Variants in EXPH5 observed in about 807,000 individuals in gnomAD.
The protein encoded by EXPH5 is exophilin 5.
Under a neutral mutation model 41.1 loss-of-function variants are expected in EXPH5, and 42 were observed. That is an observed-to-expected ratio of 1.02 (90% CI 0.80 to 1.32). The LOEUF (loss-of-function observed/expected upper bound fraction) is 1.32. Among genes scored for constraint, EXPH5 ranks in the 40% most tolerant of loss-of-function variants. The pLI is 0.00. For synonymous variants in EXPH5, 798 were observed against 833.5 expected (o/e 0.96, Z 0.73); for missense variants, 2,298 against 2,314.5 (o/e 0.99, Z 0.15).
chr11:108,576,952 T>A (rs373496179), intron 1 of EXPH5, among the ~76,000 whole-genome samples: 2 of 152,216 alleles, frequency 1.3e-5, no homozygotes, highest in African/African-American at 4.8e-5. Flanking sequence ...CTAACTCTTT[T>A]AGCTCCCATA....
chr11:108,524,033 C>T (rs1027277184), intron 4 of EXPH5, among the ~76,000 whole-genome samples: 1 of 151,208 alleles, frequency 6.6e-6, no homozygotes, highest in African/African-American at 2.4e-5. Flanking sequence ...CCTGGCTCTG[C>T]CCATTAATAT....
chr11:108,516,417 G>A (rs1225946111), intron 5 of EXPH5, among the ~76,000 whole-genome samples: 1 of 152,054 alleles, frequency 6.6e-6, no homozygotes, highest in African/African-American at 2.4e-5. Flanking sequence ...TACTTGACAT[G>A]TTTTCCTCAA....
At position 108,509,807 on chromosome 11, in the gene EXPH5, A is replaced by G. The variant is rs567164810; in HGVS notation, c.5700T>C (p.Asn1900=). 7.4e-6 allele frequency: 12 copies of G among 1,613,470 alleles called. No homozygotes were observed. In the African/African-American group the frequency reaches 1.2e-4, roughly 16 times the overall value. ...GKEQQLAFLE[N]VKRSLTQGRL... ...TTCCTTGTGTAAGTGACCTCTTTAC[A>G]TTTTCTAAGAAAGCTAACTGTTGTT... is the stretch of plus-strand genomic sequence containing the variant. Residue 1900 remains asparagine, a synonymous_variant, in exon 6 of 6, where the codon AAT becomes AAC. Coordinates refer to ENST00000265843, the MANE Select transcript of EXPH5 (RefSeq NM_015065.3).
intron 1 of EXPH5, among the ~76,000 whole-genome samples, chr11:108,562,352 G>A (rs1179939241): frequency 6.7e-6 from 1 of 150,188 alleles, no homozygotes; most frequent in Non-Finnish European, 1.5e-5. Flanking sequence ...CAGCACTTTG[G>A]GAGGTCGAGG....
chr11:108,547,581 C>G (rs892813262), intron 1 of EXPH5, among the ~76,000 whole-genome samples: 5 of 152,154 alleles, frequency 3.3e-5, no homozygotes, highest in African/African-American at 9.7e-5. Flanking sequence ...CAGCAATGTA[C>G]AAGTCTGCCA....
chr11:108,593,618 T>C lies in EXPH5; in HGVS notation c.-82A>G. The stretch of plus-strand genomic sequence containing the variant: ...CATTTTTCAACCTGTACAAGACCAG[T>C]TTCACGAACTTGATCCCACAGCCAA... On this transcript the variant is annotated 5_prime_UTR_variant, in exon 1 of 6. Coordinates refer to ENST00000265843, the MANE Select transcript of EXPH5 (RefSeq NM_015065.3). 6.2e-7 allele frequency: 1 copy of C among 1,607,918 alleles called. No homozygotes were observed. The highest frequency in any genetic ancestry group is 2.2e-5 in the East Asian group (1 of 44,854).
chr11:108,575,585 A>C (rs2094076968), intron 1 of EXPH5, among the ~76,000 whole-genome samples: 1 of 152,260 alleles, frequency 6.6e-6, no homozygotes, highest in African/African-American at 2.4e-5. Context: ...CACAAAAGTT[A>C]TGTTGACCCT....
intron 1 of EXPH5, among the ~76,000 whole-genome samples, chr11:108,561,631 C>T: frequency 6.6e-6 from 1 of 152,178 alleles, no homozygotes; most frequent in Non-Finnish European, 1.5e-5. Flanking sequence ...AAAAGCTAAA[C>T]ATGAGCAAGA....
At chr11:108,529,888 C>T (rs947595337) in intron 3 of EXPH5, among the ~76,000 whole-genome samples, 5 of 151,636 alleles carry the variant, frequency 3.3e-5, no homozygotes, top group African/African-American at 1.2e-4. Context: ...TGACTGAGAG[C>T]TCTGTATGAA....
intron 1 of EXPH5, among the ~76,000 whole-genome samples, chr11:108,546,476 G>A (rs1329416841): frequency 6.6e-6 from 1 of 152,118 alleles, no homozygotes; most frequent in African/African-American, 2.4e-5. Context: ...CCCAGGTGAT[G>A]TGTTTTGGGG....
the EXPH5 span, among the ~76,000 whole-genome samples, chr11:108,601,073 A>G: frequency 5.9e-5 from 9 of 152,316 alleles, no homozygotes; most frequent in South Asian, 1.9e-3. Flanking sequence ...TTCCTACCGG[A>G]GTGAAATTTG....
Position 108,507,994 on chromosome 11 carries a change from C to A in EXPH5, c.*1543G>T, listed in dbSNP as rs1591653843. On this transcript the variant is annotated 3_prime_UTR_variant, in exon 6 of 6. Transcript: ENST00000265843. ...CCAACCTGGTGAAACTCCAACTCTA[C>A]TAAAAATACCAAAAAAAAAAAAAAA... 4.4e-5 allele frequency: 3 copies of A among 67,946 alleles called. No individual in the cohort carries two copies. The highest frequency in any genetic ancestry group is 1.2e-4 in the African/African-American group (2 of 17,202). 4.2% of individuals were successfully genotyped at this position (67,946 alleles called of 1,614,324 possible). A position where few individuals can be genotyped will look rare whatever the true frequency, so the allele number is the denominator to read the frequency against.
In EXPH5 at chr11:108,557,537, G is replaced by A. The variant is rs574912123; in HGVS notation, c.120-15725C>T. 1.5e-4 allele frequency among the ~76,000 whole-genome samples: 23 copies of A among 152,190 alleles called. 1 individual carries two copies. The highest frequency in any genetic ancestry group is 7.2e-4 in the Admixed American group (11 of 15,280). ...ATTATTTTGTAATTTTAGTGGATACGGGGTTTTGGCATCTTGGCCAGGCTG... is the reference window on the plus strand; with the variant it reads ...ATTATTTTGTAATTTTAGTGGATACAGGGTTTTGGCATCTTGGCCAGGCTG... On this transcript the variant is annotated intron_variant, in intron 1 of 5. Coordinates refer to ENST00000265843, the MANE Select transcript of EXPH5 (RefSeq NM_015065.3).
intron 1 of EXPH5, among the ~76,000 whole-genome samples, chr11:108,568,293 CG>C (rs1443731733): frequency 1.3e-5 from 2 of 152,038 alleles, no homozygotes; most frequent in Admixed American, 6.5e-5. Context: ...ACCAGGCACG[CG>C]GGTTCCTCTG....
chr11:108,536,245 A>G (rs1051123499), intron 3 of EXPH5, among the ~76,000 whole-genome samples: 1 of 151,542 alleles, frequency 6.6e-6, no homozygotes, highest in African/African-American at 2.4e-5. Flanking sequence ...AGAGGAGCAA[A>G]TCATATTTGA....
intron 1 of EXPH5, among the ~76,000 whole-genome samples, chr11:108,559,544 C>T (rs893219061): frequency 6.6e-6 from 1 of 152,180 alleles, no homozygotes. Context: ...TTCATGGCTT[C>T]TTTCCAAAGA....
At chr11:108,595,888 G>C (rs916549261), upstream of EXPH5, among the ~76,000 whole-genome samples, 8 of 152,078 alleles carry the variant, frequency 5.3e-5, no homozygotes, top group Non-Finnish European at 8.8e-5. Flanking sequence ...AGGTTTTGAG[G>C]GTGATAATGA....
At position 108,548,707 on chromosome 11, in the gene EXPH5, T is replaced by C. The variant is rs1467262734; in HGVS notation, c.120-6895A>G. Among the ~76,000 whole-genome samples the C allele has an allele frequency of 2.0e-5, 3 of 152,218 alleles. No individual in the cohort carries two copies. The East Asian group carries it at 5.8e-4, about 29-fold the overall frequency. On this transcript the variant is annotated intron_variant, in intron 1 of 5. Coordinates refer to ENST00000265843, the MANE Select transcript of EXPH5 (RefSeq NM_015065.3). ...CTCTGGGTACGTGTAATTCATCTTC[T>C]TAACCCTACACACCCAAGAGCCCTA... is the stretch of plus-strand genomic sequence containing the variant.
At chr11:108,581,317 A>G (rs2094097391) in intron 1 of EXPH5, among the ~76,000 whole-genome samples, 1 of 151,906 alleles carries the variant, frequency 6.6e-6, no homozygotes, top group African/African-American at 2.4e-5. Flanking sequence ...GAAAAGAAAA[A>G]AATATATATA....
Sources: allele counts gnomAD v4.1 joint callset (sites outside exome capture counted in the v4.1 genomes callset), GRCh38; gene constraint gnomAD v4.1.1; transcripts MANE v1.5; gene names NCBI Gene and HGNC (gene_info 2026-07-23, HGNC 2026-07-21).